The following ESR1 variants were observed in gnomAD, a reference collection of about 807,000 sequenced individuals.
The protein encoded by ESR1 is estrogen receptor.
ESR1 carries 12 observed loss-of-function variants against 52.7 expected under a neutral mutation model. The observed-to-expected ratio is 0.23, with a 90% CI of 0.15 to 0.37. The LOEUF is 0.37. Ranked by LOEUF, ESR1 falls within the 10% of genes least tolerant of loss-of-function variation. The pLI is 1.00. For missense variants in ESR1, 584 were observed against 779.7 expected (o/e 0.75, Z 2.99); for synonymous variants, 305 against 316.8 (o/e 0.96, Z 0.39).
At chr6:151,965,451 A>G (rs1308611445) in intron 4 of ESR1, among the ~76,000 whole-genome samples, 1 of 151,874 alleles carries the variant, frequency 6.6e-6, no homozygotes, top group Admixed American at 6.6e-5. Context: ...ACTCTATCTC[A>G]TTACCTAAAA....
At chr6:151,929,791 T>C (rs2033316901) in intron 3 of ESR1, among the ~76,000 whole-genome samples, 1 of 152,098 alleles carries the variant, frequency 6.6e-6, no homozygotes, top group South Asian at 2.1e-4. Flanking sequence ...AATCTGACAA[T>C]TTCCATCTTT....
At chr6:151,672,253 A>T (rs960096193) in intron 1 of ESR1, among the ~76,000 whole-genome samples, 1 of 152,102 alleles carries the variant, frequency 6.6e-6, no homozygotes, top group African/African-American at 2.4e-5. Context: ...GTACCCAAAA[A>T]TATATGCGGT....
chr6:151,984,206 G>A (rs1275309611), intron 4 of ESR1: 1 of 152,050 alleles, frequency 6.6e-6, no homozygotes, highest in Admixed American at 6.5e-5. Flanking sequence ...CCTTCTAGTT[G>A]TAGGAGGCTT....
intron 4 of ESR1, among the ~76,000 whole-genome samples, chr6:151,946,221 T>G (rs763868820): frequency 2.7e-4 from 41 of 152,224 alleles, no homozygotes; most frequent in Non-Finnish European, 4.7e-4. Context: ...AGCCAACTCT[T>G]GGTTGCTGTT....
chr6:151,949,779 A>C (rs1336348463), intron 4 of ESR1, among the ~76,000 whole-genome samples: 2 of 152,196 alleles, frequency 1.3e-5, no homozygotes, highest in Non-Finnish European at 2.9e-5. Context: ...TTTCACATGA[A>C]ACTTTGAAGC....
chr6:151,964,168 C>T (rs970781808), intron 4 of ESR1, among the ~76,000 whole-genome samples: 2 of 152,078 alleles, frequency 1.3e-5, no homozygotes, highest in African/African-American at 4.8e-5. Context: ...TTTGTGGTTC[C>T]ATACAGATTT....
At position 152,098,962 on chromosome 6, in the gene ESR1, T is replaced by C. The variant is rs2152507458; in HGVS notation, c.1784T>C (p.Val595Ala). Reference sequence around the variant, plus strand: ...GAGGCAGAGGGTTTCCCTGCCACGGTCTGAGAGCTCCCTGGCTCCCACACG... The same window carrying C: ...GAGGCAGAGGGTTTCCCTGCCACGGCCTGAGAGCTCCCTGGCTCCCACACG... The part of the protein sequence containing the change: ...TGEAEGFPAT[V>A] The change falls in exon 8 of 8, where the codon GTC (valine) becomes GCC (alanine). Residue 595 changes from valine (V) to alanine (A), a missense_variant. Val to Ala is a moderately conservative substitution (Grantham distance 64). Coordinates refer to ENST00000206249, the MANE Select transcript of ESR1 (RefSeq NM_000125.4). The surrounding 1 kb of genome is among the most constrained non-coding windows in gnomAD (Gnocchi z 5.1). 6.2e-7 allele frequency: 1 copy of C among 1,612,158 alleles called. No homozygotes were observed. The highest frequency in any genetic ancestry group is 1.1e-5 in the South Asian group (1 of 91,032).
chr6:152,024,542 G>A (rs1431497848), intron 5 of ESR1, among the ~76,000 whole-genome samples: 1 of 151,198 alleles, frequency 6.6e-6, no homozygotes, highest in Non-Finnish European at 1.5e-5. Flanking sequence ...AATATTCTTT[G>A]TGTCTTTCAG....
chr6:152,011,899 T>A (rs753878351), intron 5 of ESR1, 105 bp downstream of exon 5: 28 of 1,266,950 alleles, frequency 2.2e-5, no homozygotes, highest in Non-Finnish European at 3.1e-5. Flanking sequence ...AGAACTTTAT[T>A]AGGTATGTTT....
At chr6:152,125,368 TCA>T in exon 7 of ESR1, 2 of 1,548,708 alleles carry the variant, frequency 1.3e-6, no homozygotes, top group Non-Finnish European at 1.7e-6. Context: ...TCATAAGGCC[TCA>T]CAGTATCCTG....
intron 2 of ESR1, among the ~76,000 whole-genome samples, chr6:151,717,418 G>A (rs765156035): frequency 6.6e-6 from 1 of 152,198 alleles, no homozygotes; most frequent in African/African-American, 2.4e-5. Flanking sequence ...AGCATAGTTG[G>A]TTTATGGTTG....
intron 5 of ESR1, among the ~76,000 whole-genome samples, chr6:152,015,917 G>C (rs1562673845): frequency 6.6e-6 from 1 of 151,980 alleles, no homozygotes; most frequent in African/African-American, 2.4e-5. Context: ...AATCCTTAAG[G>C]TCTCTCTACA....
At chr6:151,679,325 A>C (rs1343209618) in intron 1 of ESR1, among the ~76,000 whole-genome samples, 1 of 152,020 alleles carries the variant, frequency 6.6e-6, no homozygotes, top group Admixed American at 6.6e-5. Flanking sequence ...CATGGCCTAA[A>C]AGGCCCTTAT....
intron 2 of ESR1, among the ~76,000 whole-genome samples, chr6:151,752,103 G>T (rs560296930): frequency 6.6e-6 from 1 of 152,256 alleles, no homozygotes; most frequent in South Asian, 2.1e-4. Flanking sequence ...CATGCCCTGC[G>T]TGCTGGCGAG....
intron 4 of ESR1, among the ~76,000 whole-genome samples, chr6:151,974,256 C>T (rs1393694836): frequency 3.9e-5 from 6 of 152,142 alleles, no homozygotes; most frequent in South Asian, 2.1e-4. Context: ...ATAAGAGTGG[C>T]GCCAACTCTT....
chr6:151,711,456 C>T (rs555973449), intron 2 of ESR1, among the ~76,000 whole-genome samples: 36 of 152,194 alleles, frequency 2.4e-4, no homozygotes, highest in African/African-American at 5.8e-4. Flanking sequence ...CTTCTGACCT[C>T]GTGATCCACC....
intron 6 of ESR1, among the ~76,000 whole-genome samples, chr6:152,109,786 T>A (rs567026478): frequency 6.6e-6 from 1 of 152,294 alleles, no homozygotes; most frequent in East Asian, 1.9e-4. Flanking sequence ...AAGACAGAGA[T>A]ACACTTTCTA....
intron 3 of ESR1, among the ~76,000 whole-genome samples, chr6:151,934,853 C>A (rs2034160437): frequency 6.6e-6 from 1 of 152,154 alleles, no homozygotes; most frequent in Non-Finnish European, 1.5e-5. Flanking sequence ...ATGATCATAT[C>A]CATAATGGAT....
rs1368974256 is a variant in ESR1 at position 151,808,013 on chromosome 6, C to T, written c.101C>T (p.Pro34Leu). Reference protein sequence around the residue: ...EPLNRPQLKIPLERPLGEVYL... With the variant: ...EPLNRPQLKILLERPLGEVYL... Reference sequence around the variant, plus strand: ...CTGAACCGTCCGCAGCTCAAGATCCCCCTGGAGCGGCCCCTGGGCGAGGTG... The same window carrying T: ...CTGAACCGTCCGCAGCTCAAGATCCTCCTGGAGCGGCCCCTGGGCGAGGTG... The change falls in exon 1 of 8, where the codon CCC becomes CTC. Residue 34 changes from proline (P) to leucine (L), a missense_variant. By Grantham distance (98) the Pro-to-Leu change is moderately conservative. Coordinates refer to ENST00000206249, the MANE Select transcript of ESR1 (RefSeq NM_000125.4). The T allele has an allele frequency of 6.2e-7, 1 of 1,613,922 alleles. No individual in the cohort carries two copies. The highest frequency in any genetic ancestry group is 8.5e-7 in the Non-Finnish European group (1 of 1,179,960).
Sources: gnomAD v4.1 joint callset for allele counts (sites outside exome capture counted in the v4.1 genomes callset) on GRCh38, gnomAD v4.1.1 for gene constraint, Gnocchi (gnomAD v3.1) non-coding constraint, MANE v1.5 for transcripts, NCBI Gene and HGNC (gene_info 2026-07-23, HGNC 2026-07-21) for gene names.